PARVB: variants seen among roughly 807,000 people sequenced by gnomAD.
The protein encoded by PARVB is beta-parvin.
A neutral mutation model predicts 47.0 loss-of-function variants in PARVB; 46 were observed. That is an observed-to-expected ratio of 0.98 (90% confidence interval 0.77 to 1.25). The LOEUF (loss-of-function observed/expected upper bound fraction) is 1.25. Among genes scored for constraint, PARVB ranks in the 50% most tolerant of loss-of-function variants. PARVB has a pLI of 0.00. For missense variants in PARVB, 473 were observed against 471.6 expected (o/e 1.00, Z -0.03); for synonymous variants, 196 against 196.3 (o/e 1.00, Z 0.01).
intron 1 of PARVB, among the ~76,000 whole-genome samples, chr22:44,030,812 T>C (rs564048528): frequency 6.6e-6 from 1 of 152,142 alleles, no homozygotes; most frequent in Non-Finnish European, 1.5e-5. Context: ...TCAGACTTCT[T>C]CTCGTTTCCA....
intron 4 of PARVB, chr22:44,119,651 C>G: frequency 2.3e-6 from 1 of 427,914 alleles, no homozygotes; most frequent in South Asian, 1.7e-5. Flanking sequence ...GCAGACAAAC[C>G]GGTTGTTTAT....
At position 44,125,615 on chromosome 22, in the gene PARVB, AAAG is replaced by A. The variant is rs1242061615; in HGVS notation, c.377-5868_377-5866del. 6.6e-6 allele frequency among the ~76,000 whole-genome samples: 1 copy of A among 152,122 alleles called. No homozygotes were observed. The highest frequency in any genetic ancestry group is 2.4e-5 in the African/African-American group (1 of 41,414). On this transcript the variant is annotated intron_variant, in intron 4 of 12. Transcript: ENST00000338758. The surrounding 1 kb of genome is among the most constrained non-coding windows in gnomAD (Gnocchi z 4.1). ...GCCTGTTGTGTTGGAGGAGCAGTGAAAAGAAGCGGAGGCGGGGCCCAGGTGGCA... is the reference window on the plus strand; with the variant it reads ...GCCTGTTGTGTTGGAGGAGCAGTGAAAAGCGGAGGCGGGGCCCAGGTGGCA...
At chr22:44,133,301 C>T in intron 6 of PARVB, among the ~76,000 whole-genome samples, 1 of 152,194 alleles carries the variant, frequency 6.6e-6, no homozygotes, top group East Asian at 1.9e-4. Context: ...GGTTGGAATT[C>T]AATCCCCTTG....
At chr22:44,006,583 C>T (rs2050467450) in intron 2 of PARVB, among the ~76,000 whole-genome samples, 1 of 152,196 alleles carries the variant, frequency 6.6e-6, no homozygotes, top group Non-Finnish European at 1.5e-5. Context: ...CGAGATCGTG[C>T]CACTGCACTA....
Position 44,068,009 on chromosome 22 carries a change from C to T in PARVB, c.113-25919C>T, listed in dbSNP as rs1217541265. On this transcript the variant is annotated intron_variant, in intron 1 of 12. Transcript: ENST00000338758. This position sits in a 1 kb window ranked among gnomAD's most constrained non-coding sequence, Gnocchi z 4.1. ...CTAGTGCCCCTGGGAGTGGGCCAGG[C>T]ATGTCCCAGTCCACTGCCTGCCCCA... is the stretch of plus-strand genomic sequence containing the variant. 2.0e-5 allele frequency among the ~76,000 whole-genome samples: 3 copies of T among 152,156 alleles called. No individual in the cohort carries two copies. Among genetic ancestry groups the T allele is most frequent in the East Asian group, 1.9e-4 (1 of 5,182 alleles).
chr22:44,079,608 G>A (rs1043440872), intron 1 of PARVB, among the ~76,000 whole-genome samples: 6 of 152,200 alleles, frequency 3.9e-5, no homozygotes, highest in Admixed American at 3.9e-4. Context: ...AGCCACCGGT[G>A]GAGAACTGAC....
At chr22:44,151,976 T>TTG (rs1412451919) in intron 10 of PARVB, 7 of 185,602 alleles carry the variant, frequency 3.8e-5, no homozygotes, top group Non-Finnish European at 8.0e-5. Flanking sequence ...GGTGTCGTCC[T>TTG]TGTGTGTGTG....
rs137956071 is a variant in PARVB at position 44,008,837 on chromosome 22, A to T, written c.211+9164A>T. Among the ~76,000 whole-genome samples the T allele has an allele frequency of 2.8e-3, 433 of 152,134 alleles. 5 individuals carry two copies. The highest frequency in any genetic ancestry group is 9.9e-3 in the African/African-American group (412 of 41,516). Reference sequence around the variant, plus strand: ...CATCTCTACTAAAAGTACAAAAAAAAAATTAGCTGGGTGTGGGGGTGGGTG... The same window carrying T: ...CATCTCTACTAAAAGTACAAAAAAATAATTAGCTGGGTGTGGGGGTGGGTG... On this transcript the variant is annotated intron_variant, in intron 2 of 13. Coordinates refer to the PARVB transcript ENST00000406477.
At chr22:44,133,160 C>A (rs370904605) in intron 6 of PARVB, 151 bp downstream of exon 6, 15 of 552,522 alleles carry the variant, frequency 2.7e-5, no homozygotes, top group Admixed American at 1.8e-4. Flanking sequence ...CTCACCCTGG[C>A]TCCGAGATAA....
chr22:44,076,228 G>A (rs1158683155), intron 1 of PARVB, among the ~76,000 whole-genome samples: 1 of 152,234 alleles, frequency 6.6e-6, no homozygotes, highest in East Asian at 1.9e-4. Flanking sequence ...CCCCATGGCA[G>A]CTGAGTCGTG....
At chr22:44,160,699 A>G (rs939455536) in intron 11 of PARVB, among the ~76,000 whole-genome samples, 3 of 152,192 alleles carry the variant, frequency 2.0e-5, no homozygotes, top group Non-Finnish European at 2.9e-5. Context: ...CCTGCCTGGC[A>G]TTTCCTCAGC....
intron 1 of PARVB, among the ~76,000 whole-genome samples, chr22:44,079,856 A>T (rs868082027): frequency 2.0e-5 from 3 of 152,090 alleles, no homozygotes; most frequent in African/African-American, 4.8e-5. Flanking sequence ...TGAACCCAGG[A>T]TGTGGTGGTT....
At position 44,128,907 on chromosome 22, in the gene PARVB, G is replaced by A. The variant is rs757443226; in HGVS notation, c.377-2580G>A. 2.2e-4 allele frequency among the ~76,000 whole-genome samples: 33 copies of A among 152,248 alleles called. 1 individual carries two copies. The highest frequency in any genetic ancestry group is 3.4e-3 in the Middle Eastern group (1 of 294). ...AGCCTGATCAACATGGTGAAACCCT[G>A]CCTCTACTAAAAATACAAAAATTAC... On this transcript the variant is annotated intron_variant, in intron 4 of 12. Transcript: ENST00000338758.
intron 4 of PARVB, among the ~76,000 whole-genome samples, chr22:44,120,889 G>A (rs1174558375): frequency 6.6e-6 from 1 of 151,774 alleles, no homozygotes; most frequent in Non-Finnish European, 1.5e-5. Context: ...TGTCACCCAG[G>A]CTGGAGTGCA....
chr22:44,037,623 GA>G (rs2050944579), intron 1 of PARVB, among the ~76,000 whole-genome samples: 1 of 152,158 alleles, frequency 6.6e-6, no homozygotes, highest in African/African-American at 2.4e-5. Flanking sequence ...GCTTAGAGAG[GA>G]TCGAGGTCAT....
intron 1 of PARVB, among the ~76,000 whole-genome samples, chr22:44,061,864 G>A (rs1194031767): frequency 1.3e-5 from 2 of 152,116 alleles, no homozygotes; most frequent in South Asian, 2.1e-4. Flanking sequence ...CGATCCACCC[G>A]CTTTGGCCTC....
intron 12 of PARVB, 92 bp downstream of exon 12, chr22:44,164,022 T>C (rs1160323005): frequency 2.2e-6 from 2 of 924,278 alleles, no homozygotes; most frequent in East Asian, 2.8e-5. Context: ...TGGCATGTTG[T>C]TCCCCAGATG....
chr22:44,056,901 A>G (rs1369191745), intron 1 of PARVB, among the ~76,000 whole-genome samples: 1 of 146,048 alleles, frequency 6.8e-6, no homozygotes, highest in African/African-American at 2.5e-5. Flanking sequence ...CTCTGTGCCC[A>G]GGGGTTAGAG....
chr22:44,035,368 CTTTTTT>C (rs57745730), intron 1 of PARVB, among the ~76,000 whole-genome samples: 1,881 of 118,030 alleles, frequency 0.016, 44 homozygotes, highest in African/African-American at 0.054. Flanking sequence ...TTTCTTTTTC[CTTTTTT>C]TTTTTTTTTT....
Sources: allele counts gnomAD v4.1 joint callset (sites outside exome capture counted in the v4.1 genomes callset), GRCh38; gene constraint gnomAD v4.1.1; non-coding constraint Gnocchi (gnomAD v3.1); transcripts MANE v1.5; gene names NCBI Gene and HGNC (gene_info 2026-07-23, HGNC 2026-07-21).